AVEN: variants seen among roughly 807,000 people sequenced by gnomAD.
AVEN encodes apoptosis and caspase activation inhibitor.
A neutral mutation model predicts 38.1 loss-of-function variants in AVEN; 41 were observed. That is an observed-to-expected ratio of 1.08 (90% CI 0.84 to 1.40). The LOEUF (loss-of-function observed/expected upper bound fraction) is 1.40, where lower values mean the gene tolerates loss of function less well. Ranked by LOEUF, AVEN falls within the 40% of genes most tolerant of loss-of-function variation. The probability of loss-of-function intolerance (pLI) is 0.00; values close to 1 mark genes in which losing one functional copy is unlikely to be tolerated. For synonymous variants in AVEN, 206 were observed against 171.8 expected (o/e 1.20, Z -1.56); for missense variants, 605 against 438.8 (o/e 1.38, Z -3.38).
chr15:33,870,906 C>T lies in AVEN; in HGVS notation c.612+29G>A, dbSNP rs962851668. 3.8e-6 allele frequency: 6 copies of T among 1,567,874 alleles called. No individual in the cohort carries two copies. The African/African-American group carries it at 6.8e-5, about 18-fold the overall frequency. ...TTTTTCTCCTCCTGCCCTAATCCACCCGCTTCAAGAGGGCTTCGGGATTTT... is the reference window on the plus strand; with the variant it reads ...TTTTTCTCCTCCTGCCCTAATCCACTCGCTTCAAGAGGGCTTCGGGATTTT... On this transcript the variant is annotated intron_variant, in intron 4 of 5. Transcript: ENST00000306730.
chr15:33,870,797 C>A (rs923704024), intron 4 of AVEN, 138 bp downstream of exon 4: 2 of 535,268 alleles, frequency 3.7e-6, no homozygotes. Context: ...TTAAACTTTA[C>A]AAAATGCTAC....
At chr15:33,931,349 CTTTTTTTTTTTTTTTTTTT>C (rs71119903) in intron 2 of AVEN, among the ~76,000 whole-genome samples, 48 of 89,272 alleles carry the variant, frequency 5.4e-4, no homozygotes, top group African/African-American at 2.3e-3. Context: ...TGAATATTTT[CTTTTTTTTTTTTTTTTTTT>C]TTTTTTTTTT....
At chr15:33,871,701 A>G (rs1890957857) in intron 3 of AVEN, among the ~76,000 whole-genome samples, 1 of 150,666 alleles carries the variant, frequency 6.6e-6, no homozygotes, top group Non-Finnish European at 1.5e-5. Flanking sequence ...TGGCCTCAGA[A>G]GAGGAAAGGG....
chr15:34,008,887 A>G (rs933545750), intron 1 of AVEN, among the ~76,000 whole-genome samples: 14 of 151,876 alleles, frequency 9.2e-5, no homozygotes, highest in Admixed American at 2.0e-4. Flanking sequence ...GCCAAAAACA[A>G]GGATTCTGCA....
intron 2 of AVEN, among the ~76,000 whole-genome samples, chr15:33,966,450 C>A (rs1466558271): frequency 1.3e-5 from 2 of 152,072 alleles, no homozygotes; most frequent in Non-Finnish European, 2.9e-5. Flanking sequence ...AATGTTCATG[C>A]CATAACATGA....
At chr15:34,062,662 G>T in intron 5 of AVEN, 1 of 1,524,346 alleles carries the variant, frequency 6.6e-7, no homozygotes, top group Middle Eastern at 1.8e-4. Context: ...AAGAAGAGCT[G>T]AAATAGAAAA....
At chr15:34,007,296 GA>G (rs1294122541) in intron 1 of AVEN, among the ~76,000 whole-genome samples, 1 of 152,058 alleles carries the variant, frequency 6.6e-6, no homozygotes, top group African/African-American at 2.4e-5. Flanking sequence ...ATGAAAAAAT[GA>G]AATAAAAAAA....
chr15:33,903,447 C>T (rs1892567596), intron 2 of AVEN, among the ~76,000 whole-genome samples: 1 of 152,204 alleles, frequency 6.6e-6, no homozygotes, highest in Non-Finnish European at 1.5e-5. Context: ...GCCCAAAATA[C>T]TTTCAATAAA....
At chr15:33,896,476 T>C (rs967242191) in intron 2 of AVEN, among the ~76,000 whole-genome samples, 1 of 152,196 alleles carries the variant, frequency 6.6e-6, no homozygotes, top group African/African-American at 2.4e-5. Flanking sequence ...ATGTTAATTA[T>C]CTCTCCTGGT....
chr15:33,853,711 A>T, the AVEN span: 1 of 1,606,170 alleles, frequency 6.2e-7, no homozygotes, highest in Non-Finnish European at 8.5e-7. Flanking sequence ...TTCAAATCCA[A>T]AGCAGCTAAA....
intron 2 of AVEN, among the ~76,000 whole-genome samples, chr15:33,932,862 T>TAAATAAATAAATAAATAAAA (rs1184605505): frequency 5.9e-5 from 9 of 151,742 alleles, no homozygotes; most frequent in South Asian, 2.1e-4. Context: ...AATAAATAAA[T>TAAATAAATAAATAAATAAAA]AAAAATTGTA....
intron 2 of AVEN, among the ~76,000 whole-genome samples, chr15:33,943,539 T>A (rs934094696): frequency 6.6e-6 from 1 of 152,200 alleles, no homozygotes; most frequent in Admixed American, 6.5e-5. Context: ...TATGGAACTG[T>A]ACAATTAAAA....
intron 3 of AVEN, among the ~76,000 whole-genome samples, chr15:33,871,658 T>C (rs1433925551): frequency 6.6e-6 from 1 of 151,728 alleles, no homozygotes; most frequent in Non-Finnish European, 1.5e-5. Flanking sequence ...TTTAATGAAA[T>C]CTAACCTGAT....
At chr15:33,931,886 TC>T in intron 2 of AVEN, among the ~76,000 whole-genome samples, 1 of 151,890 alleles carries the variant, frequency 6.6e-6, no homozygotes, top group African/African-American at 2.4e-5. Context: ...GTCAAAACCA[TC>T]CCCCTGATGG....
intron 2 of AVEN, among the ~76,000 whole-genome samples, chr15:33,966,415 C>T (rs1895385386): frequency 6.6e-6 from 1 of 152,122 alleles, no homozygotes; most frequent in Admixed American, 6.5e-5. Flanking sequence ...AATTTGAGAA[C>T]ATAAAGTGTA....
intron 2 of AVEN, among the ~76,000 whole-genome samples, chr15:33,984,689 A>G (rs1346203143): frequency 6.6e-6 from 1 of 152,152 alleles, no homozygotes; most frequent in Non-Finnish European, 1.5e-5. Context: ...GGTGTGAGGC[A>G]CTGCACCCAG....
rs57807791 is a variant in AVEN at position 33,962,919 on chromosome 15, CAAAAAAAAAAAAAAAAAAAAA to C, written c.445+40092_445+40112del. Among the ~76,000 whole-genome samples, 215 of 81,932 alleles carry C rather than the reference CAAAAAAAAAAAAAAAAAAAAA, an allele frequency of 2.6e-3. 1 individual carries two copies. The highest frequency in any genetic ancestry group is 0.01 in the African/African-American group (192 of 18,444). The allele number at this position is 81,932 out of a possible 152,430, so 53.8% of individuals were successfully genotyped here. On this transcript the variant is annotated intron_variant, in intron 2 of 5. Coordinates refer to ENST00000306730, the MANE Select transcript of AVEN (RefSeq NM_020371.3). ...TGGGCGACACAGCGAAACTCGTTCT[CAAAAAAAAAAAAAAAAAAAAA>C]AAAAAAAAAAAAAAAAATTCTCATA...
At chr15:34,033,811 T>TG (rs1326435540) in intron 1 of AVEN, among the ~76,000 whole-genome samples, 1 of 152,164 alleles carries the variant, frequency 6.6e-6, no homozygotes, top group Non-Finnish European at 1.5e-5. Flanking sequence ...TGTTTTGAGA[T>TG]GGAGTCTCAT....
Position 33,879,671 on chromosome 15 carries a change from G to C in AVEN, c.446-3676C>G, listed in dbSNP as rs1373564686. On this transcript the variant is annotated intron_variant, in intron 2 of 5. Transcript: ENST00000306730. ...TCTTTCAAAACTGGAGGCAAAATAA[G>C]ACTTTTTCAGACATGTGAAATCCTA... Among the ~76,000 whole-genome samples, 4 of 152,190 alleles carry C rather than the reference G, an allele frequency of 2.6e-5. 1 individual carries two copies. The highest frequency in any genetic ancestry group is 4.2e-4 in the South Asian group (2 of 4,810).
Sources: gnomAD v4.1 joint callset for allele counts (sites outside exome capture counted in the v4.1 genomes callset) on GRCh38, gnomAD v4.1.1 for gene constraint, MANE v1.5 for transcripts, NCBI Gene and HGNC (gene_info 2026-07-23, HGNC 2026-07-21) for gene names.